BCAS1: variants seen among roughly 807,000 people sequenced by gnomAD.
BCAS1 encodes breast carcinoma-amplified sequence 1.
Under a neutral mutation model 65.4 loss-of-function variants are expected in BCAS1, and 46 were observed. The observed-to-expected ratio is 0.70, with a 90% CI of 0.55 to 0.90. The LOEUF (loss-of-function observed/expected upper bound fraction) is 0.90, where lower values mean the gene tolerates loss of function less well. BCAS1 is among the 40% of genes least tolerant of loss of function. BCAS1 has a pLI of 0.00. For missense variants in BCAS1, 793 were observed against 771.2 expected (o/e 1.03, Z -0.33); for synonymous variants, 298 against 293.5 (o/e 1.02, Z -0.16).
intron 3 of BCAS1, among the ~76,000 whole-genome samples, chr20:54,030,051 G>A (rs913160060): frequency 2.6e-5 from 4 of 152,224 alleles, no homozygotes; most frequent in African/African-American, 9.6e-5. Flanking sequence ...AAGACTGTGT[G>A]TGTGGATACA....
chr20:53,956,708 G>A (rs1312462681), intron 11 of BCAS1, among the ~76,000 whole-genome samples: 1 of 151,172 alleles, frequency 6.6e-6, no homozygotes, highest in Non-Finnish European at 1.5e-5. Context: ...CAGACAGTTT[G>A]AGTCTACCAC....
At chr20:53,994,766 C>T (rs1473381265) in intron 6 of BCAS1, among the ~76,000 whole-genome samples, 3 of 151,964 alleles carry the variant, frequency 2.0e-5, no homozygotes, top group African/African-American at 7.3e-5. Flanking sequence ...ATTATTTAGC[C>T]AGAGTTGGCA....
intron 4 of BCAS1, among the ~76,000 whole-genome samples, chr20:54,025,683 G>A (rs1600909684): frequency 1.3e-5 from 2 of 151,964 alleles, no homozygotes; most frequent in Admixed American, 6.6e-5. Context: ...CAGTAGATGC[G>A]GCTGAGCCCA....
At chr20:54,051,134 A>C (rs1383859572) in intron 3 of BCAS1, among the ~76,000 whole-genome samples, 5 of 152,152 alleles carry the variant, frequency 3.3e-5, no homozygotes, top group Non-Finnish European at 5.9e-5. Context: ...CCTCCGTGGT[A>C]ATGTTTCACT....
intron 3 of BCAS1, among the ~76,000 whole-genome samples, chr20:54,051,259 T>C (rs757745904): frequency 6.6e-6 from 1 of 152,178 alleles, no homozygotes; most frequent in African/African-American, 2.4e-5. Flanking sequence ...CCATGGGAGA[T>C]TGAGTTTCTC....
intron 4 of BCAS1, among the ~76,000 whole-genome samples, chr20:54,008,283 G>C (rs115906287): frequency 6.6e-6 from 1 of 152,180 alleles, no homozygotes; most frequent in East Asian, 1.9e-4. Flanking sequence ...CATCCTCACC[G>C]GTTGGTAATA....
chr20:53,973,951 CTG>C (rs1337979802), intron 9 of BCAS1, among the ~76,000 whole-genome samples: 1 of 152,124 alleles, frequency 6.6e-6, no homozygotes, highest in Non-Finnish European at 1.5e-5. Context: ...AATCAGCACT[CTG>C]TAAAAATGCA....
intron 4 of BCAS1, among the ~76,000 whole-genome samples, chr20:54,011,204 T>C (rs1409596226): frequency 6.6e-6 from 1 of 151,220 alleles, no homozygotes; most frequent in Non-Finnish European, 1.5e-5. Flanking sequence ...AAAAGCAAAA[T>C]CCATAAAAAG....
intron 10 of BCAS1, 144 bp from the exon 11 acceptor site, chr20:53,957,641 C>T (rs2089743097): frequency 1.4e-6 from 1 of 703,536 alleles, no homozygotes; most frequent in Middle Eastern, 2.7e-4. Flanking sequence ...AAACATGTTA[C>T]TCATTGGATA....
intron 11 of BCAS1, among the ~76,000 whole-genome samples, chr20:53,954,516 C>T (rs951575739): frequency 5.3e-5 from 8 of 152,164 alleles, no homozygotes; most frequent in African/African-American, 1.7e-4. Flanking sequence ...GTGAAATTGT[C>T]CTTTTGCTTC....
At chr20:54,059,331 A>G (rs1267004058) in intron 1 of BCAS1, among the ~76,000 whole-genome samples, 1 of 152,226 alleles carries the variant, frequency 6.6e-6, no homozygotes, top group Non-Finnish European at 1.5e-5. Context: ...GAAAATATTT[A>G]TCATCATGAA....
At chr20:54,062,653 A>G (rs762261354) in intron 1 of BCAS1, among the ~76,000 whole-genome samples, 1 of 152,250 alleles carries the variant, frequency 6.6e-6, no homozygotes, top group Non-Finnish European at 1.5e-5. Context: ...TGGAAGACGC[A>G]TGGTGTACAG....
At chr20:54,062,578 A>T (rs936068808) in intron 1 of BCAS1, among the ~76,000 whole-genome samples, 1 of 152,232 alleles carries the variant, frequency 6.6e-6, no homozygotes, top group African/African-American at 2.4e-5. Flanking sequence ...TTACTATTTA[A>T]TGTAAATTCA....
At chr20:53,962,396 A>G (rs565960750) in intron 10 of BCAS1, among the ~76,000 whole-genome samples, 4 of 152,352 alleles carry the variant, frequency 2.6e-5, no homozygotes, top group Admixed American at 2.0e-4. Context: ...TTTCTTACAA[A>G]TCTAATGGTC....
At chr20:54,036,345 G>T (rs2091899465) in intron 3 of BCAS1, among the ~76,000 whole-genome samples, 1 of 151,354 alleles carries the variant, frequency 6.6e-6, no homozygotes. Flanking sequence ...GACAGTAGCA[G>T]CTCCAAAATA....
chr20:54,022,914 C>G (rs1179627537), intron 4 of BCAS1, among the ~76,000 whole-genome samples: 6 of 152,208 alleles, frequency 3.9e-5, no homozygotes, highest in Non-Finnish European at 8.8e-5. Context: ...GCGTTTCTTA[C>G]TGCTAAATGC....
At chr20:54,000,956 T>C (rs1357780002) in intron 4 of BCAS1, among the ~76,000 whole-genome samples, 2 of 152,250 alleles carry the variant, frequency 1.3e-5, no homozygotes, top group Non-Finnish European at 2.9e-5. Context: ...TAGGTTTTGG[T>C]TGATTTCTCT....
At chr20:54,055,801 C>G (rs899490981) in intron 3 of BCAS1, among the ~76,000 whole-genome samples, 8 of 152,144 alleles carry the variant, frequency 5.3e-5, no homozygotes, top group African/African-American at 1.9e-4. Context: ...TATGGACACA[C>G]ACATATACAT....
At chr20:53,971,478 C>T (rs952199945) in intron 9 of BCAS1, among the ~76,000 whole-genome samples, 1 of 152,194 alleles carries the variant, frequency 6.6e-6, no homozygotes, top group Non-Finnish European at 1.5e-5. Flanking sequence ...TGCAACACAA[C>T]CTGGCAAAAG....
Sources: allele counts gnomAD v4.1 joint callset (sites outside exome capture counted in the v4.1 genomes callset), GRCh38; gene constraint gnomAD v4.1.1; transcripts MANE v1.5; gene names NCBI Gene and HGNC (gene_info 2026-07-23, HGNC 2026-07-21).